The following PDZD2 variants were observed in gnomAD, a reference collection of about 807,000 sequenced individuals.
The protein encoded by PDZD2 is PDZ domain-containing protein 2.
PDZD2 carries 90 observed loss-of-function variants against 220.7 expected under a neutral mutation model. The ratio of observed to expected loss-of-function variants is 0.41; its 90% CI spans 0.34 to 0.49. PDZD2 has a LOEUF of 0.49. Ranked by LOEUF, PDZD2 falls within the 20% of genes least tolerant of loss-of-function variation. The pLI is 0.28. For missense variants in PDZD2, 3,174 were observed against 3,608.5 expected, an observed-to-expected ratio of 0.88 and a Z score of 3.08; for synonymous variants, 1,375 against 1,450.5, an observed-to-expected ratio of 0.95 and a Z score of 1.18.
At chr5:31,737,463 C>A (rs540162399) in intron 1 of PDZD2, among the ~76,000 whole-genome samples, 1 of 152,134 alleles carries the variant, frequency 6.6e-6, no homozygotes, top group East Asian at 1.9e-4. Context: ...TGAGCTACCG[C>A]GCCCGGCCAG....
intron 2 of PDZD2, among the ~76,000 whole-genome samples, chr5:31,873,030 CACAATG>C (rs1171336070): frequency 6.6e-6 from 1 of 152,086 alleles, no homozygotes; most frequent in African/African-American, 2.4e-5. Context: ...GTGATTTTTA[CACAATG>C]ACAATTACTT....
chr5:31,865,878 G>A (rs1054503484), intron 2 of PDZD2, among the ~76,000 whole-genome samples: 13 of 150,770 alleles, frequency 8.6e-5, no homozygotes, highest in Admixed American at 2.6e-4. Context: ...TGATCTGCCC[G>A]CCTCGCCCTC....
At chr5:32,061,784 G>T (rs1345546652) in intron 14 of PDZD2, among the ~76,000 whole-genome samples, 1 of 152,074 alleles carries the variant, frequency 6.6e-6, no homozygotes, top group Non-Finnish European at 1.5e-5. Context: ...AAATGAGAAA[G>T]TGTCAAGATA....
At chr5:31,835,416 C>T (rs1036403317) in intron 2 of PDZD2, among the ~76,000 whole-genome samples, 3 of 145,870 alleles carry the variant, frequency 2.1e-5, no homozygotes, top group Non-Finnish European at 3.0e-5. Context: ...GTCAGGAGTT[C>T]GAGACCAGCC....
At chr5:31,824,107 G>A (rs1030976429) in intron 2 of PDZD2, among the ~76,000 whole-genome samples, 1 of 152,122 alleles carries the variant, frequency 6.6e-6, no homozygotes, top group Non-Finnish European at 1.5e-5. Flanking sequence ...AGGTCAAAGT[G>A]ATCTTTTTGC....
At chr5:31,847,680 C>T (rs748475907) in intron 2 of PDZD2, 11 of 607,428 alleles carry the variant, frequency 1.8e-5, no homozygotes, top group Admixed American at 5.5e-5. Flanking sequence ...ATGGCCAGCC[C>T]GGTGCCTTTA....
intron 3 of PDZD2, among the ~76,000 whole-genome samples, chr5:31,986,802 T>C (rs1203221621): frequency 6.6e-6 from 1 of 152,212 alleles, no homozygotes; most frequent in Non-Finnish European, 1.5e-5. Context: ...CATTTTTGTT[T>C]GTCAGGTACT....
At position 31,777,170 on chromosome 5, in the gene PDZD2, C is replaced by T. The variant is rs544641965; in HGVS notation, c.-360-21719C>T. On this transcript the variant is annotated intron_variant, in intron 1 of 24. Coordinates refer to ENST00000438447, the MANE Select transcript of PDZD2 (RefSeq NM_178140.4). ...CGGGGCAGCGTGAGTTCCGGGTGGGCACGGGCTCGGCAGGCCCGCACTCGG... is the reference window on the plus strand; with the variant it reads ...CGGGGCAGCGTGAGTTCCGGGTGGGTACGGGCTCGGCAGGCCCGCACTCGG... Among the ~76,000 whole-genome samples, 1,245 of 152,310 alleles carry T rather than the reference C, an allele frequency of 8.2e-3. 13 individuals are homozygous for T. Among genetic ancestry groups the T allele is most frequent in the African/African-American group, 0.028 (1,169 of 41,570 alleles).
At chr5:31,856,639 A>T (rs1386095412) in intron 2 of PDZD2, among the ~76,000 whole-genome samples, 1 of 152,108 alleles carries the variant, frequency 6.6e-6, no homozygotes, top group Admixed American at 6.6e-5. Flanking sequence ...GGCACGTAGT[A>T]GCGCTTCCCT....
At chr5:32,008,792 G>A (rs529223850) in intron 5 of PDZD2, among the ~76,000 whole-genome samples, 1 of 152,332 alleles carries the variant, frequency 6.6e-6, no homozygotes, top group South Asian at 2.1e-4. Context: ...AAAGACTTTA[G>A]AGAAGAAAGG....
intron 18 of PDZD2, among the ~76,000 whole-genome samples, chr5:32,076,796 CTCTA>C (rs1418261810): frequency 1.3e-5 from 2 of 152,182 alleles, no homozygotes; most frequent in African/African-American, 2.4e-5. Context: ...CTGAGTTAAA[CTCTA>C]TCTAGGTTTC....
intron 1 of PDZD2, among the ~76,000 whole-genome samples, chr5:31,671,371 G>C (rs1379748348): frequency 1.3e-5 from 2 of 152,230 alleles, no homozygotes; most frequent in African/African-American, 4.8e-5. Flanking sequence ...CATAGTGTGT[G>C]TAACGCTGTG....
At chr5:31,898,112 T>C (rs910199219) in intron 2 of PDZD2, among the ~76,000 whole-genome samples, 6 of 152,230 alleles carry the variant, frequency 3.9e-5, no homozygotes, top group African/African-American at 1.2e-4. Context: ...TGGAGCCAAC[T>C]ATATTACAGG....
intron 2 of PDZD2, among the ~76,000 whole-genome samples, chr5:31,929,854 G>A (rs937612265): frequency 2.0e-5 from 3 of 152,336 alleles, no homozygotes; most frequent in Non-Finnish European, 2.9e-5. Flanking sequence ...TGTTGAAATG[G>A]GATTTCCAAC....
rs958847213 is a variant in PDZD2 at position 32,097,264 on chromosome 5, G to A, written c.7846-15G>A. On this transcript the variant is annotated splice_polypyrimidine_tract_variant and intron_variant, in intron 21 of 24. Transcript: ENST00000438447. ...AGCTGTAGCTCAAAGGATAATTTTT[G>A]TTTGTTTTCACTAGAATGAAGAAGA... 9 of 1,539,894 alleles carry A rather than the reference G, an allele frequency of 5.8e-6. No individual in the cohort carries two copies. The African/African-American group carries it at 1.2e-4, about 21-fold the overall frequency.
Position 31,872,780 on chromosome 5 carries a change from GTGTA to G in PDZD2, c.476+73060_476+73063del, listed in dbSNP as rs550800365. On this transcript the variant is annotated intron_variant, in intron 2 of 24. Transcript: ENST00000438447. ...TACAGACATATATCTACATACGTGT[GTGTA>G]TGTGTGTGTGTACAGTCATGCACTG... Among the ~76,000 whole-genome samples, 483 of 152,266 alleles carry G rather than the reference GTGTA, an allele frequency of 3.2e-3. 4 individuals are homozygous for G. Among genetic ancestry groups the G allele is most frequent in the African/African-American group, 0.011 (458 of 41,546 alleles).
rs954276421 is a variant in PDZD2, at chr5:32,108,842, A to G, written c.*707A>G. 1 of 152,670 alleles carries G rather than the reference A, an allele frequency of 6.6e-6. No individual in the cohort carries two copies. The highest frequency in any genetic ancestry group is 1.5e-5 in the Non-Finnish European group (1 of 68,032). The allele number at this position is 152,670 out of a possible 1,614,324, so 9.5% of individuals were successfully genotyped here. ...CACCATGAAGTATTGATCATTTTCT[A>G]TCTCAAAAGTGTAAGCCATAAGGCT... On this transcript the variant is annotated 3_prime_UTR_variant, in exon 25 of 25. Transcript: ENST00000438447.
intron 2 of PDZD2, among the ~76,000 whole-genome samples, chr5:31,869,161 G>A (rs993561519): frequency 6.6e-5 from 10 of 152,182 alleles, no homozygotes; most frequent in Non-Finnish European, 1.5e-4. Flanking sequence ...TTCCAGACAT[G>A]CTTTGTCTGT....
chr5:31,676,735 A>G (rs1016202173), intron 1 of PDZD2, among the ~76,000 whole-genome samples: 1 of 151,734 alleles, frequency 6.6e-6, no homozygotes, highest in Non-Finnish European at 1.5e-5. Context: ...TTGTATTTTT[A>G]GTAGAGACAG....
Sources: gnomAD v4.1 joint callset for allele counts (sites outside exome capture counted in the v4.1 genomes callset) on GRCh38, gnomAD v4.1.1 for gene constraint, MANE v1.5 for transcripts, NCBI Gene and HGNC (gene_info 2026-07-23, HGNC 2026-07-21) for gene names.